Variants in CHRM3 observed in about 807,000 individuals in gnomAD.
CHRM3 encodes the protein cholinergic receptor muscarinic 3.
Under a neutral mutation model 41.8 loss-of-function variants are expected in CHRM3, and 11 were observed. That is an observed-to-expected ratio of 0.26 (90% CI 0.17 to 0.44). The LOEUF (loss-of-function observed/expected upper bound fraction) is 0.44, where lower values mean the gene tolerates loss of function less well. Among genes scored for constraint, CHRM3 ranks in the 20% least tolerant of loss-of-function variants. The probability of loss-of-function intolerance (pLI) is 1.00; values close to 1 mark genes in which losing one functional copy is unlikely to be tolerated. For missense variants in CHRM3, 571 were observed against 745.4 expected (o/e 0.77, Z 2.72); for synonymous variants, 297 against 301.4 (o/e 0.99, Z 0.15).
chr1:239,840,417 A>G (rs1177295736), intron 6 of CHRM3, among the ~76,000 whole-genome samples: 1 of 152,226 alleles, frequency 6.6e-6, no homozygotes, highest in Non-Finnish European at 1.5e-5. Context: ...CCAAAGAAGC[A>G]ATCTTGTTCT....
chr1:239,803,997 C>A (rs1214564166), intron 5 of CHRM3, among the ~76,000 whole-genome samples: 2 of 152,180 alleles, frequency 1.3e-5, no homozygotes, highest in Non-Finnish European at 2.9e-5. Context: ...CCAAACAAAT[C>A]AATTTACCAC....
At chr1:239,597,413 T>C (rs10802779) in intron 3 of CHRM3, among the ~76,000 whole-genome samples, 125,286 of 152,166 alleles carry the variant, frequency 0.82, 53,881 homozygotes, top group Non-Finnish European at 0.93. Flanking sequence ...GTAGCAGATG[T>C]TGAAAGGTCT....
At chr1:239,409,686 C>A (rs560389354) in intron 1 of CHRM3, among the ~76,000 whole-genome samples, 4 of 152,040 alleles carry the variant, frequency 2.6e-5, no homozygotes, top group African/African-American at 9.7e-5. Context: ...TAAAAGATAG[C>A]GGAATGTGCA....
intron 5 of CHRM3, chr1:239,719,700 T>TA (rs1312600696): frequency 1.3e-5 from 2 of 151,946 alleles, no homozygotes; most frequent in African/African-American, 4.8e-5. Flanking sequence ...CCTGTTTAAA[T>TA]AGATAAAAGT....
At chr1:239,545,082 C>G (rs1356864868) in intron 2 of CHRM3, among the ~76,000 whole-genome samples, 4 of 152,136 alleles carry the variant, frequency 2.6e-5, no homozygotes, top group Admixed American at 1.3e-4. Context: ...ATAAAAAATT[C>G]ACATCACGGG....
At chr1:239,857,220 A>G (rs1675192663) in intron 6 of CHRM3, among the ~76,000 whole-genome samples, 1 of 152,186 alleles carries the variant, frequency 6.6e-6, no homozygotes, top group South Asian at 2.1e-4. Flanking sequence ...ACATAGACAC[A>G]TAACTTTCAG....
intron 3 of CHRM3, among the ~76,000 whole-genome samples, chr1:239,572,830 T>C (rs1661954615): frequency 6.6e-6 from 1 of 152,220 alleles, no homozygotes; most frequent in African/African-American, 2.4e-5. Flanking sequence ...GCAATCATGT[T>C]ATTAAGGATT....
At chr1:239,636,904 A>T (rs547524172) in intron 4 of CHRM3, among the ~76,000 whole-genome samples, 3 of 152,152 alleles carry the variant, frequency 2.0e-5, no homozygotes, top group Non-Finnish European at 4.4e-5. Flanking sequence ...CATACTTGTT[A>T]TGCTTTTCCA....
intron 3 of CHRM3, among the ~76,000 whole-genome samples, chr1:239,602,089 C>CGTGTGTGTGTGTGT (rs1553337591): frequency 2.3e-4 from 3 of 13,076 alleles, no homozygotes; most frequent in Admixed American, 1.1e-3. Flanking sequence ...TACATATATA[C>CGTGTGTGTGTGTGT]ATGTGTGTGT....
chr1:239,548,532 G>A (rs1002545636), intron 3 of CHRM3, among the ~76,000 whole-genome samples: 3 of 152,152 alleles, frequency 2.0e-5, no homozygotes, highest in African/African-American at 4.8e-5. Flanking sequence ...TCTTCTTCTT[G>A]TTTATTTTTG....
chr1:239,427,069 AG>A (rs1285177953), intron 1 of CHRM3, among the ~76,000 whole-genome samples: 3 of 152,126 alleles, frequency 2.0e-5, no homozygotes, highest in Non-Finnish European at 4.4e-5. Flanking sequence ...TGGAATCTTT[AG>A]CAGGCAGTTT....
intron 1 of CHRM3, among the ~76,000 whole-genome samples, chr1:239,389,521 G>A (rs72754649): frequency 2.6e-5 from 4 of 152,028 alleles, no homozygotes; most frequent in Admixed American, 2.0e-4. Context: ...ATTAGAGTAT[G>A]TAAAAATGTG....
chr1:239,864,503 G>A (rs1013084507), intron 6 of CHRM3, among the ~76,000 whole-genome samples: 21 of 149,650 alleles, frequency 1.4e-4, no homozygotes, highest in East Asian at 5.9e-4. Context: ...GCGAAACTCC[G>A]TCTCAAAACA....
intron 5 of CHRM3, among the ~76,000 whole-genome samples, chr1:239,735,590 A>G (rs985901289): frequency 6.6e-6 from 1 of 152,170 alleles, no homozygotes; most frequent in African/African-American, 2.4e-5. Context: ...AAAAACAACA[A>G]ATAATAAACG....
At chr1:239,801,249 A>C (rs1670190114) in intron 5 of CHRM3, among the ~76,000 whole-genome samples, 1 of 152,216 alleles carries the variant, frequency 6.6e-6, no homozygotes, top group Non-Finnish European at 1.5e-5. Flanking sequence ...GCAGTGGCGT[A>C]GTTTACCCCC....
intron 5 of CHRM3, among the ~76,000 whole-genome samples, chr1:239,798,939 C>A (rs774375219): frequency 2.0e-5 from 3 of 152,054 alleles, no homozygotes; most frequent in Non-Finnish European, 4.4e-5. Context: ...TGCAGCGAAG[C>A]GTTGTTTGAA....
rs1680454340 is a variant in CHRM3 at position 239,913,130 on chromosome 1, C to A, written c.*3906C>A. The A allele has an allele frequency of 6.0e-6, 1 of 167,026 alleles. No individual in the cohort carries two copies. Among genetic ancestry groups the A allele is most frequent in the Admixed American group, 6.5e-5 (1 of 15,280 alleles). 10.3% of individuals were successfully genotyped at this position (167,026 alleles called of 1,614,324 possible). ...GTAAAGTTATTTACTTACTCTATTTCAACACCACAAAATCTTGAAATTTGG... is the reference window on the plus strand; with the variant it reads ...GTAAAGTTATTTACTTACTCTATTTAAACACCACAAAATCTTGAAATTTGG... On this transcript the variant is annotated 3_prime_UTR_variant, in exon 7 of 7. Transcript: ENST00000676153.
chr1:239,428,130 G>T (rs1239851067), intron 1 of CHRM3, among the ~76,000 whole-genome samples: 1 of 152,130 alleles, frequency 6.6e-6, no homozygotes, highest in Admixed American at 6.5e-5. Context: ...GCACGTGCTC[G>T]AAAGAGAAGA....
At chr1:239,560,668 A>ATGTGTGTATATATATATATGTG (rs892354489) in intron 3 of CHRM3, among the ~76,000 whole-genome samples, 1 of 152,028 alleles carries the variant, frequency 6.6e-6, no homozygotes, top group East Asian at 1.9e-4. Flanking sequence ...TTAAATATAT[A>ATGTGTGTATATATATATATGTG]TGTGTGTATA....
Sources: gnomAD v4.1 joint callset for allele counts (sites outside exome capture counted in the v4.1 genomes callset) on GRCh38, gnomAD v4.1.1 for gene constraint, MANE v1.5 for transcripts, NCBI Gene and HGNC (gene_info 2026-07-23, HGNC 2026-07-21) for gene names.